TSPAN11: variants seen among roughly 807,000 people sequenced by gnomAD.
TSPAN11 encodes tetraspanin 11, also known as tetraspanin-11.
In TSPAN11, 29 loss-of-function variants were observed where a neutral mutation model predicts 32.9. The ratio of observed to expected loss-of-function variants is 0.88; its 90% CI spans 0.66 to 1.20. The LOEUF (loss-of-function observed/expected upper bound fraction) is 1.20, where lower values mean the gene tolerates loss of function less well. Ranked by LOEUF, TSPAN11 falls within the 50% of genes most tolerant of loss-of-function variation. TSPAN11 has a pLI of 0.00. For missense variants in TSPAN11, 283 were observed against 329.1 expected (o/e 0.86, Z 1.08); for synonymous variants, 140 against 141.3 (o/e 0.99, Z 0.07).
At chr12:30,949,489 G>A (rs749008607) in intron 1 of TSPAN11, among the ~76,000 whole-genome samples, 18 of 152,110 alleles carry the variant, frequency 1.2e-4, no homozygotes, top group South Asian at 2.1e-4. Context: ...TGCAAAAGCC[G>A]AAACTCATGA....
intron 3 of TSPAN11, among the ~76,000 whole-genome samples, chr12:30,977,491 G>A (rs1938999317): frequency 6.6e-6 from 1 of 152,200 alleles, no homozygotes; most frequent in African/African-American, 2.4e-5. Context: ...TCATGAGTCT[G>A]GCTGAGCTTC....
intron 7 of TSPAN11, 94 bp downstream of exon 7, chr12:30,983,244 C>T: frequency 7.7e-7 from 1 of 1,293,030 alleles, no homozygotes; most frequent in Non-Finnish European, 1.1e-6. Flanking sequence ...GCTGAAATAA[C>T]TGACCCTTTG....
chr12:30,960,466 T>C (rs7980214), intron 2 of TSPAN11, among the ~76,000 whole-genome samples: 66,813 of 151,720 alleles, frequency 0.44, 15,651 homozygotes, highest in African/African-American at 0.57. Flanking sequence ...AGAAGCCCTA[T>C]GGTAGCGAGA....
chr12:30,933,739 C>A (rs1937983511), intron 1 of TSPAN11, among the ~76,000 whole-genome samples: 2 of 152,106 alleles, frequency 1.3e-5, no homozygotes, highest in Admixed American at 1.3e-4. Context: ...GCTCTGGGGA[C>A]CCTGTCCAGT....
intron 1 of TSPAN11, among the ~76,000 whole-genome samples, chr12:30,935,127 G>A (rs988161533): frequency 2.6e-5 from 4 of 152,090 alleles, no homozygotes; most frequent in Non-Finnish European, 4.4e-5. Context: ...GCCAAGCACC[G>A]GTCTTCCCTG....
chr12:30,962,954 A>G (rs150962775), intron 2 of TSPAN11, among the ~76,000 whole-genome samples: 1 of 152,338 alleles, frequency 6.6e-6, no homozygotes, highest in Non-Finnish European at 1.5e-5. Context: ...ACAGTCACAG[A>G]AAGAGTTACT....
At chr12:30,960,979 C>A (rs1464734408) in intron 2 of TSPAN11, among the ~76,000 whole-genome samples, 1 of 148,114 alleles carries the variant, frequency 6.8e-6, no homozygotes, top group Admixed American at 6.8e-5. Flanking sequence ...GTGGAGGTTG[C>A]AGTGAGCCAA....
intron 1 of TSPAN11, among the ~76,000 whole-genome samples, chr12:30,931,732 T>C (rs1402940585): frequency 6.6e-6 from 1 of 151,554 alleles, no homozygotes; most frequent in Non-Finnish European, 1.5e-5. Context: ...ATACAAAAAT[T>C]AGCTGCGTGT....
chr12:30,965,591 A>G (rs113525502), intron 3 of TSPAN11, among the ~76,000 whole-genome samples: 2,156 of 152,226 alleles, frequency 0.014, 52 homozygotes, highest in African/African-American at 0.049. Context: ...AATGGCCACT[A>G]TTCACTAGAG....
chr12:31,009,129 AGCATGAACCTTGGTTCTCGCAAAT>A, the TSPAN11 span, among the ~76,000 whole-genome samples: 1 of 152,228 alleles, frequency 6.6e-6, no homozygotes, highest in Non-Finnish European at 1.5e-5. Flanking sequence ...CCCGCTCTTC[AGCATGAACCTTGGTTCTCGCAAAT>A]GCGCCTTCCA....
Position 30,926,931 on chromosome 12 carries a change from G to T in TSPAN11, c.-12+135G>T, listed in dbSNP as rs1453593609. 4.7e-6 allele frequency: 6 copies of T among 1,282,566 alleles called. No homozygotes were observed. The African/African-American group carries it at 9.2e-5, about 20-fold the overall frequency. 79.4% of individuals were successfully genotyped at this position (1,282,566 alleles called of 1,614,324 possible). Reference sequence around the variant, plus strand: ...ACTGTCCCGAGCTTCCCCCGGGCGGGCAGAGGGAAGCCGGCTGGGGATGAG... The same window carrying T: ...ACTGTCCCGAGCTTCCCCCGGGCGGTCAGAGGGAAGCCGGCTGGGGATGAG... On this transcript the variant is annotated intron_variant, in intron 1 of 7. Transcript: ENST00000546076.
chr12:30,973,060 C>A (rs1370843216), intron 3 of TSPAN11, among the ~76,000 whole-genome samples: 1 of 152,140 alleles, frequency 6.6e-6, no homozygotes, highest in Non-Finnish European at 1.5e-5. Flanking sequence ...CTGAATCCAC[C>A]CTAAGTGAGC....
rs183208035 is a variant in TSPAN11, at chr12:30,967,208, G to A, written c.276+3191G>A. On this transcript the variant is annotated intron_variant, in intron 3 of 7. Transcript: ENST00000546076. Reference sequence around the variant, plus strand: ...ACCATCTGTTCATGAGATCTGTCCAGACATCCAGGCTGATCCATGAAGAAT... The same window carrying A: ...ACCATCTGTTCATGAGATCTGTCCAAACATCCAGGCTGATCCATGAAGAAT... Among the ~76,000 whole-genome samples, 47 of 152,332 alleles carry A rather than the reference G, an allele frequency of 3.1e-4. No individual in the cohort carries two copies. In the East Asian group the frequency reaches 7.3e-3, roughly 24 times the overall value.
At chr12:31,005,518 C>T in the TSPAN11 span, among the ~76,000 whole-genome samples, 1 of 152,212 alleles carries the variant, frequency 6.6e-6, no homozygotes, top group Non-Finnish European at 1.5e-5. Flanking sequence ...CCAGCCCACC[C>T]CATCATCTCT....
At chr12:30,985,562 G>T (rs1308983223) in intron 7 of TSPAN11, among the ~76,000 whole-genome samples, 2 of 152,154 alleles carry the variant, frequency 1.3e-5, no homozygotes. Flanking sequence ...AGTGGGAACA[G>T]GAGAAGGTAC....
chr12:30,950,541 C>T (rs1938361950), intron 1 of TSPAN11, among the ~76,000 whole-genome samples: 1 of 152,190 alleles, frequency 6.6e-6, no homozygotes, highest in Admixed American at 6.5e-5. Context: ...CCTTAGTACC[C>T]ACTGCTTCCT....
At chr12:30,946,175 G>C (rs1163461470) in intron 1 of TSPAN11, among the ~76,000 whole-genome samples, 3 of 152,156 alleles carry the variant, frequency 2.0e-5, no homozygotes, top group Non-Finnish European at 4.4e-5. Context: ...CAGCCATCCT[G>C]GTTTAACACT....
At chr12:30,931,330 A>C (rs1375209826) in intron 1 of TSPAN11, among the ~76,000 whole-genome samples, 1 of 152,180 alleles carries the variant, frequency 6.6e-6, no homozygotes, top group Non-Finnish European at 1.5e-5. Flanking sequence ...GTGTTTAAAA[A>C]GCTCAGAAGA....
intron 1 of TSPAN11, among the ~76,000 whole-genome samples, chr12:30,936,593 G>A (rs1938049826): frequency 6.6e-6 from 1 of 152,218 alleles, no homozygotes; most frequent in African/African-American, 2.4e-5. Flanking sequence ...AGCTGCAGAA[G>A]GGGATGGCTT....
Sources: allele counts gnomAD v4.1 joint callset (sites outside exome capture counted in the v4.1 genomes callset), GRCh38; gene constraint gnomAD v4.1.1; transcripts MANE v1.5; gene names NCBI Gene and HGNC (gene_info 2026-07-23, HGNC 2026-07-21).